SELPLG: variants seen among roughly 807,000 people sequenced by gnomAD.
The protein encoded by SELPLG is P-selectin glycoprotein ligand 1.
Under a neutral mutation model 1.1 loss-of-function variants are expected in SELPLG, and 2 were observed. The ratio of observed to expected loss-of-function variants is 1.82; its 90% CI spans 0.74 to 5.71. SELPLG has a LOEUF of 5.71. Ranked by LOEUF, SELPLG falls within the 30% of genes most tolerant of loss-of-function variation. The pLI is 0.05. For synonymous variants in SELPLG, 230 were observed against 221.2 expected, an observed-to-expected ratio of 1.04 and a Z score of -0.35; for missense variants, 478 against 524.7, an observed-to-expected ratio of 0.91 and a Z score of 0.87.
intron 1 of SELPLG, among the ~76,000 whole-genome samples, chr12:108,630,115 C>A (rs1027810658): frequency 6.6e-6 from 1 of 152,226 alleles, no homozygotes; most frequent in African/African-American, 2.4e-5. Context: ...AGGGCTCCGA[C>A]AGAGGCGTCT....
chr12:108,630,136 C>T (rs547737919), intron 1 of SELPLG, among the ~76,000 whole-genome samples: 5 of 152,220 alleles, frequency 3.3e-5, no homozygotes, highest in East Asian at 1.9e-4. Context: ...CCAGTGACCA[C>T]GTCCTATTTG....
rs1333057944 is a variant in SELPLG at position 108,622,924 on chromosome 12, G to A, written c.*145C>T. On this transcript the variant is annotated 3_prime_UTR_variant, in exon 2 of 2. Transcript: ENST00000550948. ...CCCCAGGCTGCTCTTGTCCTGTTTG[G>A]GTGGCCAGAGTTCCTTCCCTGAAGA... The A allele has an allele frequency of 2.4e-6, 2 of 819,788 alleles. No individual in the cohort carries two copies. Among genetic ancestry groups the A allele is most frequent in the Non-Finnish European group, 3.6e-6 (2 of 555,774 alleles). 50.8% of individuals were successfully genotyped at this position (819,788 alleles called of 1,614,324 possible). A position where few individuals can be genotyped will look rare whatever the true frequency, so the allele number is the denominator to read the frequency against.
Position 108,629,366 on chromosome 12 carries a change from C to A in SELPLG, c.-6+4374G>T, listed in dbSNP as rs569851370. 1.7e-4 allele frequency among the ~76,000 whole-genome samples: 26 copies of A among 152,336 alleles called. No individual in the cohort carries two copies. In the East Asian group the frequency reaches 4.4e-3, roughly 26 times the overall value. Reference sequence around the variant, plus strand: ...TCCCACTGGCTTTAAGACACAGCAGCCTGGAGCCAGGCCACAGCTGAGCAG... The same window carrying A: ...TCCCACTGGCTTTAAGACACAGCAGACTGGAGCCAGGCCACAGCTGAGCAG... On this transcript the variant is annotated intron_variant, in intron 1 of 1. Transcript: ENST00000550948.
rs1592825025 is a variant in SELPLG at position 108,633,850 on chromosome 12, C to G, written c.-116G>C. The G allele has an allele frequency of 6.6e-6, 1 of 152,334 alleles. No homozygotes were observed. 9.4% of individuals were successfully genotyped at this position (152,334 alleles called of 1,614,324 possible). ...CGCTGCCAGGCACTGCTGTGGCACCCCCTGCGGCAGTCCCGGATCCGAGCA... is the reference window on the plus strand; with the variant it reads ...CGCTGCCAGGCACTGCTGTGGCACCGCCTGCGGCAGTCCCGGATCCGAGCA... On this transcript the variant is annotated 5_prime_UTR_variant, in exon 1 of 2. Transcript: ENST00000550948.
intron 1 of SELPLG, among the ~76,000 whole-genome samples, chr12:108,625,822 A>T (rs2031926258): frequency 6.6e-6 from 1 of 152,162 alleles, no homozygotes; most frequent in Non-Finnish European, 1.5e-5. Flanking sequence ...TTCTATGCTG[A>T]GAATCCTATG....
chr12:108,622,970 C>T lies in SELPLG; in HGVS notation c.*99G>A, dbSNP rs141841274. The T allele has an allele frequency of 1.4e-3, 1,806 of 1,280,218 alleles. 19 individuals carry two copies. The African/African-American group carries it at 0.022, about 15-fold the overall frequency. 79.3% of individuals were successfully genotyped at this position (1,280,218 alleles called of 1,614,324 possible). A position where few individuals can be genotyped will look rare whatever the true frequency, so the allele number is the denominator to read the frequency against. ...GAAGATCCCCATCCCCAGGGGTCTCCGAGGAAGCCCAGAGCTGTGGAATGG... is the reference window on the plus strand; with the variant it reads ...GAAGATCCCCATCCCCAGGGGTCTCTGAGGAAGCCCAGAGCTGTGGAATGG... On this transcript the variant is annotated 3_prime_UTR_variant, in exon 2 of 2. Transcript: ENST00000550948.
intron 1 of SELPLG, among the ~76,000 whole-genome samples, chr12:108,632,577 C>T (rs1056213295): frequency 4.6e-5 from 7 of 151,744 alleles, no homozygotes; most frequent in African/African-American, 1.7e-4. Context: ...TGCAGTGGCA[C>T]AATCTCGGCT....
chr12:108,624,090 G>A lies in SELPLG; in HGVS notation c.218C>T (p.Thr73Ile). The A allele has an allele frequency of 1.1e-5, 17 of 1,614,248 alleles. No individual in the cohort carries two copies. The highest frequency in any genetic ancestry group is 1.4e-5 in the Non-Finnish European group (17 of 1,180,036). ...LRNSTDTTPLTGPGTPESTTV... is the reference protein window; with the variant it reads ...LRNSTDTTPLIGPGTPESTTV... The stretch of plus-strand genomic sequence containing the variant: ...GGTAGACTCAGGGGTTCCAGGCCCA[G>A]TCAGAGGAGTGGTGTCAGTGCTGTT... The change falls in exon 2 of 2, where the codon ACT becomes ATT. Residue 73 changes from threonine to isoleucine, a missense_variant. Coordinates refer to ENST00000550948, the MANE Select transcript of SELPLG (RefSeq NM_003006.4).
intron 1 of SELPLG, among the ~76,000 whole-genome samples, chr12:108,632,389 G>GGTGTGT (rs34863745): frequency 1.1e-3 from 161 of 144,716 alleles, no homozygotes; most frequent in East Asian, 3.6e-3. Flanking sequence ...GACAATATGG[G>GGTGTGT]GTGTGTGTGT....
chr12:108,623,725 CA>C lies in SELPLG; in HGVS notation c.582del (p.Ala195HisfsTer123). The C allele has an allele frequency of 6.3e-7, 1 of 1,595,426 alleles. No individual in the cohort carries two copies. Among genetic ancestry groups the C allele is most frequent in the Non-Finnish European group, 8.5e-7 (1 of 1,175,492 alleles). ...TQPTGLEAQT[T>X]APAAMEAQTT... Reference sequence around the variant, plus strand: ...GTCTGTGCCTCCATGGCTGCTGGTGCAGTGGTCTGTGCCTCCAGGCCTGTGG... The same window carrying C: ...GTCTGTGCCTCCATGGCTGCTGGTGCGTGGTCTGTGCCTCCAGGCCTGTGG... On this transcript the variant is annotated frameshift_variant, in exon 2 of 2. Transcript: ENST00000550948. LOFTEE classifies it low-confidence loss of function (END_TRUNC).
At position 108,623,068 on chromosome 12, in the gene SELPLG, G is replaced by A. The variant is rs2031850024; in HGVS notation, c.*1C>T. Reference sequence around the variant, plus strand: ...CTTGCCAAAACAGATGGCAGAGTGAGCTAAGGGAGGAAGCTGTGCAGGGTG... The same window carrying A: ...CTTGCCAAAACAGATGGCAGAGTGAACTAAGGGAGGAAGCTGTGCAGGGTG... On this transcript the variant is annotated 3_prime_UTR_variant, in exon 2 of 2. Coordinates refer to ENST00000550948, the MANE Select transcript of SELPLG (RefSeq NM_003006.4). 6.7e-7 allele frequency: 1 copy of A among 1,489,092 alleles called. No homozygotes were observed. The highest frequency in any genetic ancestry group is 8.9e-7 in the Non-Finnish European group (1 of 1,120,072). The allele number at this position is 1,489,092 out of a possible 1,614,324, so 92.2% of individuals were successfully genotyped here. A position where few individuals can be genotyped will look rare whatever the true frequency, so the allele number is the denominator to read the frequency against.
At chr12:108,632,266 G>A (rs8179111) in intron 1 of SELPLG, among the ~76,000 whole-genome samples, 5,560 of 152,268 alleles carry the variant, frequency 0.037, 194 homozygotes, top group South Asian at 0.17. Context: ...CTGAGGCCCC[G>A]GCCCACTGAG....
intron 1 of SELPLG, among the ~76,000 whole-genome samples, chr12:108,630,663 C>T (rs1334161538): frequency 6.6e-6 from 1 of 152,076 alleles, no homozygotes; most frequent in Non-Finnish European, 1.5e-5. Context: ...GCTGTGGGTT[C>T]CTTAGCTGGA....
chr12:108,629,337 G>A (rs947869777), intron 1 of SELPLG, among the ~76,000 whole-genome samples: 1 of 152,222 alleles, frequency 6.6e-6, no homozygotes, highest in African/African-American at 2.4e-5. Context: ...CCTGGTCCCT[G>A]CCATCCCACT....
intron 1 of SELPLG, among the ~76,000 whole-genome samples, chr12:108,630,867 G>A (rs2032035219): frequency 6.6e-6 from 1 of 152,220 alleles, no homozygotes; most frequent in East Asian, 1.9e-4. Flanking sequence ...ACTTCCAGAA[G>A]GCAGGAACCA....
At position 108,622,897 on chromosome 12, in the gene SELPLG, G is replaced by A; in HGVS notation, c.*172C>T. The A allele has an allele frequency of 3.4e-6, 2 of 591,610 alleles. No individual in the cohort carries two copies. The highest frequency in any genetic ancestry group is 5.5e-6 in the Non-Finnish European group (2 of 365,492). 36.6% of individuals were successfully genotyped at this position (591,610 alleles called of 1,614,324 possible). ...GGTGGCTCCACTTGCCCGTCTGCTTGGCCCCAGGCTGCTCTTGTCCTGTTT... is the reference window on the plus strand; with the variant it reads ...GGTGGCTCCACTTGCCCGTCTGCTTAGCCCCAGGCTGCTCTTGTCCTGTTT... On this transcript the variant is annotated 3_prime_UTR_variant, in exon 2 of 2. Transcript: ENST00000550948.
At position 108,624,069 on chromosome 12, in the gene SELPLG, G is replaced by C. The variant is rs778252622; in HGVS notation, c.239C>G (p.Ser80Cys). The change falls in exon 2 of 2, where the codon TCT becomes TGT. Residue 80 changes from serine to cysteine, a missense_variant. By Grantham distance (112) the Ser-to-Cys change is moderately radical. Coordinates refer to ENST00000550948, the MANE Select transcript of SELPLG (RefSeq NM_003006.4). Reference sequence around the variant, plus strand: ...CCTTGCAGCAGGCTCCACAGTGGTAGACTCAGGGGTTCCAGGCCCAGTCAG... The same window carrying C: ...CCTTGCAGCAGGCTCCACAGTGGTACACTCAGGGGTTCCAGGCCCAGTCAG... ...TPLTGPGTPESTTVEPAARRS... is the reference protein window; with the variant it reads ...TPLTGPGTPECTTVEPAARRS... 1.9e-6 allele frequency: 3 copies of C among 1,614,236 alleles called. No homozygotes were observed. The Admixed American group carries it at 5.0e-5, about 27-fold the overall frequency.
intron 1 of SELPLG, among the ~76,000 whole-genome samples, chr12:108,632,814 C>T (rs1457895123): frequency 6.6e-6 from 1 of 152,036 alleles, no homozygotes; most frequent in African/African-American, 2.4e-5. Flanking sequence ...CTGCACCCAG[C>T]CAAATATTCT....
chr12:108,630,100 A>AG (rs901498680), intron 1 of SELPLG, among the ~76,000 whole-genome samples: 7 of 152,204 alleles, frequency 4.6e-5, no homozygotes, highest in African/African-American at 1.4e-4. Flanking sequence ...AAGTGGGGCC[A>AG]GGGCAGGGCT....
Sources: gnomAD v4.1 joint callset for allele counts (sites outside exome capture counted in the v4.1 genomes callset) on GRCh38, gnomAD v4.1.1 for gene constraint, MANE v1.5 for transcripts, NCBI Gene and HGNC (gene_info 2026-07-23, HGNC 2026-07-21) for gene names.